LSM3: variants seen among roughly 807,000 people sequenced by gnomAD.
LSM3 encodes the protein LSM3 homolog, U6 small nuclear RNA and mRNA degradation associated.
Under a neutral mutation model 15.4 loss-of-function variants are expected in LSM3, and 14 were observed. The ratio of observed to expected loss-of-function variants is 0.91; its 90% CI spans 0.60 to 1.42. The LOEUF (loss-of-function observed/expected upper bound fraction) is 1.42, where lower values mean the gene tolerates loss of function less well. Among genes scored for constraint, LSM3 ranks in the 40% most tolerant of loss-of-function variants. The probability of loss-of-function intolerance (pLI) is 0.00; values close to 1 mark genes in which losing one functional copy is unlikely to be tolerated. For missense variants in LSM3, 88 were observed against 127.9 expected (o/e 0.69, Z 1.50); for synonymous variants, 46 against 45.1 (o/e 1.02, Z -0.08).
intron 3 of LSM3, among the ~76,000 whole-genome samples, chr3:14,192,667 G>A (rs1697151259): frequency 6.6e-6 from 1 of 152,102 alleles, no homozygotes; most frequent in African/African-American, 2.4e-5. Flanking sequence ...GTGCCTATGT[G>A]TGTGTTTGCA....
chr3:14,185,205 A>T (rs1339309634), intron 3 of LSM3, among the ~76,000 whole-genome samples: 1 of 151,940 alleles, frequency 6.6e-6, no homozygotes, highest in Non-Finnish European at 1.5e-5. Context: ...ACAAAATATT[A>T]GCCGGCCGTG....
At position 14,183,983 on chromosome 3, in the gene LSM3, CTG is replaced by C. The variant is rs760142363; in HGVS notation, c.182_183del (p.Val61AspfsTer6). On this transcript the variant is annotated frameshift_variant, in exon 3 of 4. Transcript: ENST00000306024. LOFTEE classifies it high-confidence loss of function. ...ATGATCTTGGGAGATGTGGAAGAAA[CTG>C]TGACTACTATAGAAATTGATGAAGA... is the stretch of plus-strand genomic sequence containing the variant. 3 of 1,608,838 alleles carry C rather than the reference CTG, an allele frequency of 1.9e-6. No homozygotes were observed. Among genetic ancestry groups the C allele is most frequent in the Non-Finnish European group, 2.5e-6 (3 of 1,178,668 alleles).
chr3:14,187,276 G>A (rs1697097945), intron 3 of LSM3, among the ~76,000 whole-genome samples: 1 of 152,206 alleles, frequency 6.6e-6, no homozygotes. Context: ...AAGATTAATT[G>A]CTGCCTTGAA....
At chr3:14,179,673 G>A (rs904178751) in intron 1 of LSM3, among the ~76,000 whole-genome samples, 1 of 152,164 alleles carries the variant, frequency 6.6e-6, no homozygotes, top group African/African-American at 2.4e-5. Flanking sequence ...TGCCATAAGA[G>A]CAGGGATTTT....
chr3:14,181,648 G>C lies in LSM3; in HGVS notation c.110G>C (p.Arg37Pro). The change falls in exon 2 of 4, where the codon CGA becomes CCA. Residue 37 changes from arginine to proline, a missense_variant. By Grantham distance (103) the Arg-to-Pro change is moderately radical. Transcript: ENST00000306024. ...ATTTATGTGAAAATGAGAAATGACCGAGAGCTTCGAGGCAGATTACATGTA... is the reference window on the plus strand; with the variant it reads ...ATTTATGTGAAAATGAGAAATGACCCAGAGCTTCGAGGCAGATTACATGTA... ...ERIYVKMRND[R>P]ELRGRLHAYD... The C allele has an allele frequency of 1.2e-6, 2 of 1,613,280 alleles. No homozygotes were observed. The highest frequency in any genetic ancestry group is 1.7e-6 in the Non-Finnish European group (2 of 1,179,240).
rs778836184 is a variant in LSM3, at chr3:14,183,993, T to C, written c.189T>C (p.Thr63=). ...ILGDVEETVT[T]IEIDEETYEE... ...GAGATGTGGAAGAAACTGTGACTAC[T>C]ATAGAAATTGATGAAGAAACATATG... is the stretch of plus-strand genomic sequence containing the variant. The change falls in exon 3 of 4, where the codon ACT becomes ACC. Residue 63 remains threonine, a synonymous_variant. Transcript: ENST00000306024. 6.2e-7 allele frequency: 1 copy of C among 1,609,056 alleles called. No individual in the cohort carries two copies. Among genetic ancestry groups the C allele is most frequent in the Middle Eastern group, 2.2e-4 (1 of 4,506 alleles).
chr3:14,179,197 TAGTG>T (rs1473057368), intron 1 of LSM3, among the ~76,000 whole-genome samples: 2 of 152,230 alleles, frequency 1.3e-5, no homozygotes, highest in African/African-American at 2.4e-5. Context: ...TTGTTATCAT[TAGTG>T]AGCGCAACAA....
chr3:14,194,686 T>G (rs1697172028), intron 3 of LSM3, among the ~76,000 whole-genome samples: 1 of 149,946 alleles, frequency 6.7e-6, no homozygotes, highest in Admixed American at 6.7e-5. Flanking sequence ...CAGACACACA[T>G]GCACACTTAA....
intron 3 of LSM3, among the ~76,000 whole-genome samples, chr3:14,194,424 A>G (rs80347138): frequency 0.01 from 1,540 of 152,250 alleles, 24 homozygotes; most frequent in African/African-American, 0.036. Flanking sequence ...TCTTTTTCTT[A>G]TGTGGGAGTA....
intron 3 of LSM3, 70 bp from the exon 4 acceptor site, chr3:14,197,966 A>G: frequency 1.5e-6 from 2 of 1,326,782 alleles, no homozygotes; most frequent in Non-Finnish European, 1.1e-6. Flanking sequence ...ATTTTTTAAC[A>G]TTTCTGTCAC....
chr3:14,187,350 C>G (rs1697098728), intron 3 of LSM3, among the ~76,000 whole-genome samples: 1 of 152,206 alleles, frequency 6.6e-6, no homozygotes, highest in African/African-American at 2.4e-5. Flanking sequence ...TCTCTTGCGC[C>G]TAGAGTTGCA....
chr3:14,179,346 G>T (rs1430369669), intron 1 of LSM3, among the ~76,000 whole-genome samples: 2 of 152,214 alleles, frequency 1.3e-5, no homozygotes, highest in Admixed American at 6.5e-5. Context: ...GAGGAGAACA[G>T]ATAAAAGTAA....
At chr3:14,187,261 C>G (rs547261489) in intron 3 of LSM3, among the ~76,000 whole-genome samples, 3 of 152,184 alleles carry the variant, frequency 2.0e-5, no homozygotes, top group African/African-American at 7.2e-5. Flanking sequence ...TTACTGACCT[C>G]CATTAAGATT....
At chr3:14,185,660 AGTG>A (rs1386724310) in intron 3 of LSM3, among the ~76,000 whole-genome samples, 4 of 152,220 alleles carry the variant, frequency 2.6e-5, no homozygotes, top group Non-Finnish European at 5.9e-5. Context: ...AAACTGAACA[AGTG>A]GTAGTCAGTC....
chr3:14,180,488 C>T (rs1450499908), intron 1 of LSM3, among the ~76,000 whole-genome samples: 2 of 152,186 alleles, frequency 1.3e-5, no homozygotes, highest in East Asian at 3.9e-4. Context: ...GGGGTTTCAC[C>T]ATGTTGGCCA....
chr3:14,197,948 A>G (rs1052638898), intron 3 of LSM3, 88 bp from the exon 4 acceptor site: 7 of 1,160,900 alleles, frequency 6.0e-6, no homozygotes, highest in Non-Finnish European at 9.0e-6. Context: ...TTGTGTCATG[A>G]TGAATCCATT....
At position 14,198,207 on chromosome 3, in the gene LSM3, A is replaced by G. The variant is rs969526434; in HGVS notation, c.*91A>G. 5 of 911,720 alleles carry G rather than the reference A, an allele frequency of 5.5e-6. No individual in the cohort carries two copies. The highest frequency in any genetic ancestry group is 8.9e-6 in the Non-Finnish European group (5 of 564,186). The allele number at this position is 911,720 out of a possible 1,614,324, so 56.5% of individuals were successfully genotyped here. A position where few individuals can be genotyped will look rare whatever the true frequency, so the allele number is the denominator to read the frequency against. The stretch of plus-strand genomic sequence containing the variant: ...ACATTCATAAGAGAAACCTGCATAC[A>G]TTTTGATATTAAGAAATAATTCCGG... On this transcript the variant is annotated 3_prime_UTR_variant, in exon 4 of 4. Coordinates refer to ENST00000306024, the MANE Select transcript of LSM3 (RefSeq NM_014463.3).
intron 3 of LSM3, among the ~76,000 whole-genome samples, chr3:14,196,860 A>T (rs1463324573): frequency 6.6e-6 from 1 of 152,216 alleles, no homozygotes. Context: ...AACTTAGAAC[A>T]TAGGTTTCTG....
chr3:14,189,837 A>G (rs2470354), intron 3 of LSM3, among the ~76,000 whole-genome samples: 64,071 of 151,956 alleles, frequency 0.42, 14,074 homozygotes, highest in Non-Finnish European at 0.48. Flanking sequence ...TTTTGTTGCC[A>G]TTGCTTTTGG....
Sources: allele counts gnomAD v4.1 joint callset (sites outside exome capture counted in the v4.1 genomes callset), GRCh38; gene constraint gnomAD v4.1.1; transcripts MANE v1.5; gene names NCBI Gene and HGNC (gene_info 2026-07-23, HGNC 2026-07-21).